KIF4A: variants seen among roughly 807,000 people sequenced by gnomAD.
KIF4A encodes the protein chromosome-associated kinesin KIF4A.
Under a neutral mutation model 105.9 loss-of-function variants are expected in KIF4A, and 7 were observed. The ratio of observed to expected loss-of-function variants is 0.07; its 90% confidence interval spans 0.04 to 0.12. The LOEUF is 0.12. KIF4A is among the 10% of genes least tolerant of loss of function. The pLI, the probability that KIF4A is intolerant of heterozygous loss-of-function variation, is 1.00. For synonymous variants in KIF4A, 281 were observed against 331.3 expected (o/e 0.85, Z 1.65); for missense variants, 558 against 929.2 (o/e 0.60, Z 5.19).
At position 70,357,263 on chromosome X, in the gene KIF4A, G is replaced by A. The variant is rs372722923; in HGVS notation, c.1674+3456G>A. Among the ~76,000 whole-genome samples, 17 of 111,762 alleles carry A rather than the reference G, an allele frequency of 1.5e-4. No homozygotes were observed. In the East Asian group the frequency reaches 3.1e-3, roughly 20 times the overall value. On this transcript the variant is annotated intron_variant, in intron 15 of 30. Transcript: ENST00000374403. ...CAGGAGGCGGAGCTTGCAGTGAGCC[G>A]AGATCACGCCACTGCACTCCAGCCT...
At chrX:70,344,033 T>A in intron 13 of KIF4A, 51 bp downstream of exon 13, 1 of 907,879 alleles carries the variant, frequency 1.1e-6, no homozygotes, top group South Asian at 2.1e-5. Flanking sequence ...CATTTGTTTC[T>A]CTTGACACAT....
chrX:70,403,505 T>G (rs1439704923), intron 23 of KIF4A, among the ~76,000 whole-genome samples: 1 of 112,719 alleles, frequency 8.9e-6, no homozygotes, highest in Non-Finnish European at 1.9e-5. Context: ...CTGTGGATTT[T>G]GCTTAAAAAT....
chrX:70,391,248 A>T (rs993577179), intron 20 of KIF4A, among the ~76,000 whole-genome samples: 5 of 112,192 alleles, frequency 4.5e-5, no homozygotes, highest in Admixed American at 3.8e-4. Context: ...TTGTATATTA[A>T]CTTTTATCTC....
rs745989375 is a variant in KIF4A at position 70,390,208 on chromosome X, A to G, written c.2232+2911A>G. On this transcript the variant is annotated intron_variant, in intron 20 of 30. Coordinates refer to ENST00000374403, the MANE Select transcript of KIF4A (RefSeq NM_012310.5). ...TTTTGTAGAGTTCTTAAGATTTTCT[A>G]CCTAGAAAATCATGTCATCTGCAAA... Among the ~76,000 whole-genome samples, 35 of 111,510 alleles carry G rather than the reference A, an allele frequency of 3.1e-4. 1 individual carries two copies. Among genetic ancestry groups the G allele is most frequent in the Non-Finnish European group, 4.7e-4 (25 of 53,099 alleles).
chrX:70,324,368 C>T (rs771463040), intron 7 of KIF4A, among the ~76,000 whole-genome samples: 1 of 112,393 alleles, frequency 8.9e-6, no homozygotes, highest in East Asian at 2.8e-4. Flanking sequence ...CTGTGCCCCG[C>T]ACTGTGCCTT....
intron 27 of KIF4A, 121 bp from the exon 28 acceptor site, chrX:70,406,772 G>C: frequency 1.3e-6 from 1 of 748,042 alleles, no homozygotes; most frequent in Non-Finnish European, 2.0e-6. Context: ...GGGTGGATTT[G>C]AGAGAGTCTG....
rs746960602 is a variant in KIF4A, at chrX:70,334,636, A to G, written c.1133+947A>G. On this transcript the variant is annotated intron_variant, in intron 10 of 30. Transcript: ENST00000374403. The stretch of plus-strand genomic sequence containing the variant: ...TTCTTTTTATCTTTAGGCATAGAGT[A>G]TCTAAGCAAGATAATGTTTCCCACA... Among the ~76,000 whole-genome samples, 271 of 112,536 alleles carry G rather than the reference A, an allele frequency of 2.4e-3. 2 individuals are homozygous for G. Among genetic ancestry groups the G allele is most frequent in the African/African-American group, 8.6e-3 (267 of 31,086 alleles).
At chrX:70,341,697 C>T in intron 10 of KIF4A, 102 bp from the exon 11 acceptor site, 2 of 869,449 alleles carry the variant, frequency 2.3e-6, no homozygotes, top group Non-Finnish European at 3.1e-6. Flanking sequence ...TGACCTAATC[C>T]CCCTACCTAT....
chrX:70,308,754 C>G (rs775013197), intron 7 of KIF4A, among the ~76,000 whole-genome samples: 1 of 111,630 alleles, frequency 9.0e-6, no homozygotes, highest in South Asian at 3.8e-4. Flanking sequence ...GGACTACAGG[C>G]ACATGCTGCC....
At chrX:70,356,554 C>T (rs2086052293) in intron 15 of KIF4A, among the ~76,000 whole-genome samples, 1 of 111,941 alleles carries the variant, frequency 8.9e-6, no homozygotes, top group Non-Finnish European at 1.9e-5. Context: ...CAGAGTGAGA[C>T]CCTGTCTCAA....
rs1448016235 is a variant in KIF4A, at chrX:70,341,808, A to G, written c.1143A>G (p.Pro381=). The G allele has an allele frequency of 8.3e-7, 1 of 1,210,002 alleles. No individual in the cohort carries two copies. The highest frequency in any genetic ancestry group is 1.7e-5 in the African/African-American group (1 of 57,878). ...ATTTACTTTGTTTTAGTGTGGAACC[A>G]TCAGAGAATCTACAATCCCTGATGG... The part of the protein sequence containing the change: ...GTLPGSITVE[P]SENLQSLMEK... Residue 381 remains proline, a synonymous_variant, in exon 11 of 31, where the codon CCA becomes CCG. Coordinates refer to ENST00000374403, the MANE Select transcript of KIF4A (RefSeq NM_012310.5).
At chrX:70,361,722 C>CT (rs1160083699) in intron 15 of KIF4A, 1 of 125,090 alleles carries the variant, frequency 8.0e-6, no homozygotes, top group Non-Finnish European at 1.7e-5. Context: ...CCTCTGTGTG[C>CT]CCTCAGTTTG....
At chrX:70,325,096 G>A (rs908782084) in intron 7 of KIF4A, among the ~76,000 whole-genome samples, 21 of 111,837 alleles carry the variant, frequency 1.9e-4, no homozygotes, top group African/African-American at 6.8e-4. Context: ...GTCTACAACA[G>A]ATTTTAATCT....
At chrX:70,363,655 G>T (rs922497244) in intron 15 of KIF4A, among the ~76,000 whole-genome samples, 1 of 111,940 alleles carries the variant, frequency 8.9e-6, no homozygotes, top group African/African-American at 3.2e-5. Flanking sequence ...TGGACATTTG[G>T]GTTGGTTCCA....
intron 28 of KIF4A, among the ~76,000 whole-genome samples, chrX:70,414,891 C>T (rs2086337049): frequency 8.9e-6 from 1 of 111,874 alleles, no homozygotes; most frequent in South Asian, 3.8e-4. Flanking sequence ...GTTCCTTCAT[C>T]CTGTGAGCTC....
At chrX:70,346,445 C>A (rs144752122) in intron 13 of KIF4A, among the ~76,000 whole-genome samples, 1 of 111,416 alleles carries the variant, frequency 9.0e-6, no homozygotes, top group Admixed American at 9.5e-5. Flanking sequence ...AATACCACCT[C>A]ATTTCTGGGG....
At chrX:70,329,257 C>A in intron 7 of KIF4A, 148 bp from the exon 8 acceptor site, 1 of 528,450 alleles carries the variant, frequency 1.9e-6, no homozygotes, top group South Asian at 3.9e-5. Context: ...AGAGGCACTC[C>A]AAAAAGTGAA....
intron 20 of KIF4A, among the ~76,000 whole-genome samples, chrX:70,389,808 T>G (rs1173687018): frequency 9.8e-6 from 1 of 101,671 alleles, no homozygotes; most frequent in Non-Finnish European, 2.1e-5. Context: ...CTGAAATCAG[T>G]GTAAGTCCAA....
chrX:70,342,982 T>TA (rs2085978066), intron 11 of KIF4A, among the ~76,000 whole-genome samples: 1 of 112,475 alleles, frequency 8.9e-6, no homozygotes, highest in Non-Finnish European at 1.9e-5. Flanking sequence ...TTGTCCTATA[T>TA]AAACGATTCT....
Sources: allele counts gnomAD v4.1 joint callset (sites outside exome capture counted in the v4.1 genomes callset), GRCh38; gene constraint gnomAD v4.1.1; transcripts MANE v1.5; gene names NCBI Gene and HGNC (gene_info 2026-07-23, HGNC 2026-07-21).